Variants in CFAP77 observed in about 807,000 individuals in gnomAD.
CFAP77 encodes the protein cilia- and flagella-associated protein 77.
In CFAP77, 25 loss-of-function variants were observed where a neutral mutation model predicts 31.1. That is an observed-to-expected ratio of 0.80 (90% CI 0.59 to 1.12). CFAP77 has a LOEUF of 1.12. CFAP77 is among the 50% of genes most tolerant of loss of function. CFAP77 has a pLI of 0.00. For synonymous variants in CFAP77, 151 were observed against 159.9 expected (o/e 0.94, Z 0.42); for missense variants, 377 against 397.3 (o/e 0.95, Z 0.44).
chr9:132,414,641 G>C (rs1850066413), intron 1 of CFAP77, among the ~76,000 whole-genome samples: 1 of 152,178 alleles, frequency 6.6e-6, no homozygotes. Flanking sequence ...TGCAGGAAGG[G>C]AGTTCTGGGC....
chr9:132,473,016 T>C (rs115383927), intron 1 of CFAP77, among the ~76,000 whole-genome samples: 1,868 of 152,194 alleles, frequency 0.012, 41 homozygotes, highest in African/African-American at 0.043. Flanking sequence ...GCTCAGCTTC[T>C]GGTGAGAACC....
At chr9:132,453,537 TA>T (rs1354245597) in intron 1 of CFAP77, among the ~76,000 whole-genome samples, 2 of 152,118 alleles carry the variant, frequency 1.3e-5, no homozygotes, top group Non-Finnish European at 2.9e-5. Context: ...AAAAATAAAA[TA>T]AAATAAAGCC....
intron 1 of CFAP77, among the ~76,000 whole-genome samples, chr9:132,421,849 G>A (rs1199789926): frequency 6.6e-6 from 1 of 152,244 alleles, no homozygotes; most frequent in East Asian, 1.9e-4. Context: ...AACCTTGAGT[G>A]ACTCACTAGA....
intron 1 of CFAP77, among the ~76,000 whole-genome samples, chr9:132,417,147 C>T (rs1337804768): frequency 2.0e-5 from 3 of 148,000 alleles, no homozygotes; most frequent in Non-Finnish European, 3.0e-5. Context: ...CGGAGTCTCA[C>T]TCTTTCGCCC....
At chr9:132,566,316 C>T (rs754159605) in intron 5 of CFAP77, among the ~76,000 whole-genome samples, 1 of 152,206 alleles carries the variant, frequency 6.6e-6, no homozygotes, top group East Asian at 1.9e-4. Context: ...TGGGTTCAAT[C>T]GCTGAAATGA....
intron 1 of CFAP77, among the ~76,000 whole-genome samples, chr9:132,472,819 G>T (rs1410719886): frequency 6.6e-6 from 1 of 152,140 alleles, no homozygotes. Context: ...CTCAGTGTTT[G>T]CTGTGTGCCC....
intron 1 of CFAP77, among the ~76,000 whole-genome samples, chr9:132,433,617 G>A (rs1309150800): frequency 2.0e-5 from 3 of 151,108 alleles, no homozygotes; most frequent in Non-Finnish European, 2.9e-5. Context: ...GCACAATCTT[G>A]GCTCACTGCA....
chr9:132,558,996 A>G (rs34213390), intron 5 of CFAP77, among the ~76,000 whole-genome samples: 34,260 of 151,414 alleles, frequency 0.23, 4,864 homozygotes, highest in East Asian at 0.31. Context: ...CCTAGGTGAC[A>G]GAGCAAGACT....
intron 3 of CFAP77, among the ~76,000 whole-genome samples, chr9:132,523,875 G>A (rs1045071519): frequency 6.6e-6 from 1 of 152,180 alleles, no homozygotes; most frequent in African/African-American, 2.4e-5. Context: ...GCATCCATGT[G>A]TCTGGTTTCT....
chr9:132,561,654 CACA>C (rs1829811024), intron 5 of CFAP77, among the ~76,000 whole-genome samples: 2 of 92,522 alleles, frequency 2.2e-5, no homozygotes, highest in African/African-American at 8.7e-5. Flanking sequence ...CACACACACA[CACA>C]CACACCCCCT....
intron 1 of CFAP77, among the ~76,000 whole-genome samples, chr9:132,452,377 C>G (rs370189373): frequency 6.6e-6 from 1 of 152,202 alleles, no homozygotes; most frequent in Non-Finnish European, 1.5e-5. Flanking sequence ...TATAAATAGG[C>G]AAGACCCCTT....
intron 1 of CFAP77, among the ~76,000 whole-genome samples, chr9:132,489,518 T>TCTCAGCACATG (rs1178537287): frequency 6.6e-6 from 1 of 152,128 alleles, no homozygotes; most frequent in Non-Finnish European, 1.5e-5. Flanking sequence ...GCAAAAACAC[T>TCTCAGCACATG]CTCAGCACAT....
chr9:132,466,560 G>A (rs920101671), intron 1 of CFAP77, among the ~76,000 whole-genome samples: 3 of 152,334 alleles, frequency 2.0e-5, no homozygotes, highest in East Asian at 1.9e-4. Flanking sequence ...CCAAGGACCC[G>A]ATGTCAAGTA....
chr9:132,425,221 G>A (rs1338893855), intron 1 of CFAP77, among the ~76,000 whole-genome samples: 3 of 152,088 alleles, frequency 2.0e-5, no homozygotes, highest in East Asian at 1.9e-4. Context: ...AATACTCAGC[G>A]GCCTGAGGTT....
chr9:132,532,749 A>G (rs554131429), intron 3 of CFAP77, among the ~76,000 whole-genome samples: 5 of 152,212 alleles, frequency 3.3e-5, no homozygotes, highest in African/African-American at 9.6e-5. Flanking sequence ...GGGCATTTGC[A>G]TCTTTGAAAA....
In CFAP77 at chr9:132,461,622, C is replaced by T. The variant is rs555312293; in HGVS notation, c.196-37073C>T. Among the ~76,000 whole-genome samples the T allele has an allele frequency of 1.1e-4, 17 of 152,226 alleles. 1 individual carries two copies. The South Asian group carries it at 2.7e-3, about 24-fold the overall frequency. ...AAGAGCGACCGAGGATTTATTCTAC[C>T]GGGACGGCCAAGGGAAGACTGCGGG... On this transcript the variant is annotated intron_variant, in intron 1 of 5. Transcript: ENST00000393216.
intron 1 of CFAP77, among the ~76,000 whole-genome samples, chr9:132,476,629 G>A (rs1851350784): frequency 6.6e-6 from 1 of 152,130 alleles, no homozygotes; most frequent in Non-Finnish European, 1.5e-5. Flanking sequence ...ATGTAGGGTG[G>A]GCCCTAAACC....
chr9:132,562,571 T>C (rs1016465551), intron 5 of CFAP77, among the ~76,000 whole-genome samples: 3 of 152,252 alleles, frequency 2.0e-5, no homozygotes, highest in East Asian at 3.8e-4. Context: ...TTGGTTCTGA[T>C]AGACCTGGAA....
Position 132,481,030 on chromosome 9 carries a change from CA to C in CFAP77, c.196-17661del, listed in dbSNP as rs5900983. ...AGCTCGAAAGCACACTAGCACCAAA[CA>C]AAATCTTACACATCCAGTTGCTTTA... On this transcript the variant is annotated intron_variant, in intron 1 of 5. Transcript: ENST00000393216. This position sits in a 1 kb window ranked among gnomAD's most constrained non-coding sequence, Gnocchi z 5.0. Among the ~76,000 whole-genome samples the C allele has an allele frequency of 0.025, 3,760 of 152,282 alleles. 408 individuals carry two copies. The East Asian group carries it at 0.36, about 15-fold the overall frequency.
Sources: allele counts gnomAD v4.1 joint callset (sites outside exome capture counted in the v4.1 genomes callset), GRCh38; gene constraint gnomAD v4.1.1; non-coding constraint Gnocchi (gnomAD v3.1); transcripts MANE v1.5; gene names NCBI Gene and HGNC (gene_info 2026-07-23, HGNC 2026-07-21).